The following YWHAE variants were observed in gnomAD, a reference collection of about 807,000 sequenced individuals.
YWHAE encodes 14-3-3 protein epsilon.
A neutral mutation model predicts 30.1 loss-of-function variants in YWHAE; 4 were observed. The ratio of observed to expected loss-of-function variants is 0.13; its 90% CI spans 0.07 to 0.30. The LOEUF (loss-of-function observed/expected upper bound fraction) is 0.30, where lower values mean the gene tolerates loss of function less well. Ranked by LOEUF, YWHAE falls within the 10% of genes least tolerant of loss-of-function variation. YWHAE has a pLI of 1.00. For missense variants in YWHAE, 121 were observed against 315.9 expected (o/e 0.38, Z 4.68); for synonymous variants, 118 against 111.8 (o/e 1.06, Z -0.35).
At chr17:1,368,051 G>C (rs957227988) in intron 1 of YWHAE, among the ~76,000 whole-genome samples, 1 of 152,134 alleles carries the variant, frequency 6.6e-6, no homozygotes, top group Admixed American at 6.5e-5. Context: ...AGGAGTTCAA[G>C]ACCAGCCTGG....
chr17:1,365,555 C>G (rs1188901696), intron 1 of YWHAE, among the ~76,000 whole-genome samples: 1 of 152,118 alleles, frequency 6.6e-6, no homozygotes, highest in Non-Finnish European at 1.5e-5. Flanking sequence ...TATCCTTCCT[C>G]GTATGAAGCT....
At chr17:1,360,437 A>G (rs2072846107) in intron 4 of YWHAE, among the ~76,000 whole-genome samples, 1 of 152,202 alleles carries the variant, frequency 6.6e-6, no homozygotes, top group Non-Finnish European at 1.5e-5. Context: ...TATGTTTGCT[A>G]CGAGAGTAAC....
intron 1 of YWHAE, among the ~76,000 whole-genome samples, chr17:1,367,499 C>G (rs761080716): frequency 6.6e-6 from 1 of 152,066 alleles, no homozygotes; most frequent in Non-Finnish European, 1.5e-5. Context: ...GAGATTAAGG[C>G]AAGAGAACTG....
Position 1,345,506 on chromosome 17 carries a change from A to C in YWHAE, c.716-7T>G, listed in dbSNP as rs1232891042. ...TCTTTATTCTGCTCTTCACCTGTTA[A>C]AAAAGAAAAAAAGTCAATTATTTCG... On this transcript the variant is annotated splice_polypyrimidine_tract_variant and splice_region_variant and intron_variant, in intron 5 of 5. Coordinates refer to ENST00000264335, the MANE Select transcript of YWHAE (RefSeq NM_006761.5). The C allele has an allele frequency of 6.2e-7, 1 of 1,613,352 alleles. No homozygotes were observed. Among genetic ancestry groups the C allele is most frequent in the East Asian group, 2.2e-5 (1 of 44,880 alleles).
chr17:1,361,651 A>G, intron 3 of YWHAE: 2 of 458,816 alleles, frequency 4.4e-6, no homozygotes, highest in Non-Finnish European at 7.7e-6. Flanking sequence ...ATATAACACT[A>G]AGCACTGTGA....
chr17:1,363,843 A>G (rs1012839306), intron 2 of YWHAE, among the ~76,000 whole-genome samples: 1 of 129,398 alleles, frequency 7.7e-6, no homozygotes, highest in Non-Finnish European at 1.6e-5. Context: ...TCCTGTATTT[A>G]CGTGCCTGTC....
chr17:1,398,724 G>A (rs2073514337), intron 1 of YWHAE: 1 of 152,090 alleles, frequency 6.6e-6, no homozygotes, highest in African/African-American at 2.4e-5. Context: ...ATTTCAAAAG[G>A]TGGTCCAAAA....
chr17:1,355,651 C>T (rs971784642), intron 4 of YWHAE, among the ~76,000 whole-genome samples: 6 of 151,858 alleles, frequency 4.0e-5, no homozygotes, highest in African/African-American at 1.2e-4. Context: ...ACAAACGATA[C>T]GATATACCAA....
At chr17:1,372,885 C>G (rs2073062579) in intron 1 of YWHAE, among the ~76,000 whole-genome samples, 1 of 151,782 alleles carries the variant, frequency 6.6e-6, no homozygotes, top group African/African-American at 2.4e-5. Context: ...CCTGGGAGGT[C>G]AAGGCTGCAG....
intron 1 of YWHAE, among the ~76,000 whole-genome samples, chr17:1,371,772 A>G (rs373116214): frequency 3.4e-4 from 52 of 152,166 alleles, no homozygotes; most frequent in African/African-American, 1.2e-3. Flanking sequence ...GTCACCATCA[A>G]TAATGTTAGC....
intron 1 of YWHAE, among the ~76,000 whole-genome samples, chr17:1,389,714 TAG>T (rs985886533): frequency 2.0e-5 from 3 of 151,160 alleles, no homozygotes; most frequent in Admixed American, 6.6e-5. Context: ...GTATTTTTAG[TAG>T]AGACAGGGTT....
At chr17:1,391,550 T>C (rs149420844) in intron 1 of YWHAE, among the ~76,000 whole-genome samples, 1 of 152,370 alleles carries the variant, frequency 6.6e-6, no homozygotes, top group East Asian at 1.9e-4. Context: ...TCATTATTAT[T>C]TGCTACAATT....
chr17:1,395,521 C>A (rs1157843005), intron 1 of YWHAE, among the ~76,000 whole-genome samples: 1 of 151,976 alleles, frequency 6.6e-6, no homozygotes, highest in Non-Finnish European at 1.5e-5. Flanking sequence ...AGAGCCCAGT[C>A]GTAGAAGGGA....
chr17:1,361,649 C>CT (rs1005405170), intron 3 of YWHAE: 5 of 458,938 alleles, frequency 1.1e-5, no homozygotes, highest in African/African-American at 1.0e-4. Flanking sequence ...ATATATAACA[C>CT]TAAGCACTGT....
At chr17:1,387,748 G>C (rs139397376) in intron 1 of YWHAE, among the ~76,000 whole-genome samples, 1 of 151,748 alleles carries the variant, frequency 6.6e-6, no homozygotes, top group Non-Finnish European at 1.5e-5. Context: ...TCAGCCTCCC[G>C]AATAGCTGAG....
At chr17:1,372,951 A>C (rs566933458) in intron 1 of YWHAE, among the ~76,000 whole-genome samples, 16 of 151,960 alleles carry the variant, frequency 1.1e-4, no homozygotes, top group African/African-American at 3.9e-4. Flanking sequence ...ATTAATAGTA[A>C]AAGAACACAG....
intron 4 of YWHAE, among the ~76,000 whole-genome samples, chr17:1,355,116 T>TGAAAAAAAGAAAAA (rs2072714127): frequency 5.8e-5 from 1 of 17,178 alleles, no homozygotes; most frequent in Non-Finnish European, 1.0e-4. Flanking sequence ...CAAGATTTTT[T>TGAAAAAAAGAAAAA]AAAAAAAAAA....
chr17:1,384,961 T>C (rs2073277794), intron 1 of YWHAE, among the ~76,000 whole-genome samples: 1 of 152,038 alleles, frequency 6.6e-6, no homozygotes, highest in Non-Finnish European at 1.5e-5. Flanking sequence ...TCTGCCTGCC[T>C]TGGCCTCCCA....
chr17:1,386,635 G>C (rs1262539654), intron 1 of YWHAE, among the ~76,000 whole-genome samples: 2 of 152,136 alleles, frequency 1.3e-5, no homozygotes, highest in Non-Finnish European at 2.9e-5. Context: ...CCTATACAGA[G>C]GTACCTCTCC....
Sources: gnomAD v4.1 joint callset for allele counts (sites outside exome capture counted in the v4.1 genomes callset) on GRCh38, gnomAD v4.1.1 for gene constraint, MANE v1.5 for transcripts, NCBI Gene and HGNC (gene_info 2026-07-23, HGNC 2026-07-21) for gene names.